Variants in DUSP8 observed in about 807,000 individuals in gnomAD.
DUSP8 encodes dual specificity protein phosphatase 8.
Under a neutral mutation model 38.7 loss-of-function variants are expected in DUSP8, and 15 were observed. The ratio of observed to expected loss-of-function variants is 0.39; its 90% CI spans 0.26 to 0.60. DUSP8 has a LOEUF of 0.60. Among genes scored for constraint, DUSP8 ranks in the 20% least tolerant of loss-of-function variants. DUSP8 has a pLI of 0.56. For missense variants in DUSP8, 768 were observed against 915.0 expected (o/e 0.84, Z 2.07); for synonymous variants, 458 against 433.9 (o/e 1.06, Z -0.69).
chr11:1,557,583 G>C lies in DUSP8; in HGVS notation c.822-9C>G. 1 of 1,561,764 alleles carries C rather than the reference G, an allele frequency of 6.4e-7. No individual in the cohort carries two copies. Among genetic ancestry groups the C allele is most frequent in the Admixed American group, 1.9e-5 (1 of 53,980 alleles). Reference sequence around the variant, plus strand: ...GCCTGTCCTTCACGAACCTGCGGGGGAGGAGGCTCAGTCCCAGGCGCCCGC... The same window carrying C: ...GCCTGTCCTTCACGAACCTGCGGGGCAGGAGGCTCAGTCCCAGGCGCCCGC... On this transcript the variant is annotated splice_polypyrimidine_tract_variant and intron_variant, in intron 6 of 6. Coordinates refer to ENST00000397374, the MANE Select transcript of DUSP8 (RefSeq NM_004420.3). The surrounding 1 kb of genome is among the most constrained non-coding windows in gnomAD (Gnocchi z 9.9).
chr11:1,555,598 T>TCAGGCAGGAGGC lies in DUSP8; in HGVS notation c.*919_*920insGCCTCCTGCCTG. The TCAGGCAGGAGGC allele has an allele frequency of 2.1e-6, 1 of 467,924 alleles. No homozygotes were observed. Among genetic ancestry groups the TCAGGCAGGAGGC allele is most frequent in the Non-Finnish European group, 2.8e-6 (1 of 357,030 alleles). 29.0% of individuals were successfully genotyped at this position (467,924 alleles called of 1,614,324 possible). A position where few individuals can be genotyped will look rare whatever the true frequency, so the allele number is the denominator to read the frequency against. ...CAGCACTGGCTAGCCAGGCGCCTCC[T>TCAGGCAGGAGGC]GCCTGACCCCCGGAGGCCAAGCTCC... On this transcript the variant is annotated 3_prime_UTR_variant, in exon 7 of 7. Coordinates refer to ENST00000397374, the MANE Select transcript of DUSP8 (RefSeq NM_004420.3).
At chr11:1,572,439 G>A (rs1590811678), upstream of DUSP8, among the ~76,000 whole-genome samples, 2 of 147,436 alleles carry the variant, frequency 1.4e-5, no homozygotes, top group Admixed American at 6.6e-5. This position sits in a 1 kb window ranked among gnomAD's most constrained non-coding sequence, Gnocchi z 4.7. Context: ...CGGGGGGGGG[G>A]CGGGGTGCAG....
At position 1,565,663 on chromosome 11, in the gene DUSP8, A is replaced by G; in HGVS notation, c.164T>C (p.Val55Ala). The change falls in exon 2 of 7, where the codon GTG becomes GCG. Residue 55 changes from valine to alanine, a missense_variant. Physicochemically the swap from Val to Ala is moderately conservative, Grantham distance 64. This residue lies in a region of DUSP8 where 252 missense variants were observed against 410.4 expected (regional missense o/e 0.61). Coordinates refer to ENST00000397374, the MANE Select transcript of DUSP8 (RefSeq NM_004420.3). ...SSVNICCSKL[V>A]KRRLQQGKVT... ...CTTGCCCTGCTGCAGCCGCCGCTTC[A>G]CCAGCTTGGAGCAGCAGATGTTGAC... 1 of 1,611,640 alleles carries G rather than the reference A, an allele frequency of 6.2e-7. No individual in the cohort carries two copies. Among genetic ancestry groups the G allele is most frequent in the South Asian group, 1.1e-5 (1 of 91,056 alleles).
intron 1 of DUSP8, chr11:1,571,690 G>T (rs1429752552): frequency 6.6e-6 from 1 of 151,622 alleles, no homozygotes; most frequent in African/African-American, 2.4e-5. Context: ...GCCCGGGTCC[G>T]CCGGGCGTTG....
At chr11:1,569,289 C>G (rs1848852301) in intron 1 of DUSP8, among the ~76,000 whole-genome samples, 1 of 152,092 alleles carries the variant, frequency 6.6e-6, no homozygotes, top group African/African-American at 2.4e-5. Flanking sequence ...CCTCCCAGGC[C>G]CACACCTTCC....
At chr11:1,564,786 G>A (rs1410793673) in intron 2 of DUSP8, among the ~76,000 whole-genome samples, 3 of 152,236 alleles carry the variant, frequency 2.0e-5, no homozygotes, top group East Asian at 1.9e-4. Context: ...AAAGGGAGCC[G>A]ATTCTGGCCT....
intron 3 of DUSP8, among the ~76,000 whole-genome samples, chr11:1,559,978 G>A (rs1291288060): frequency 1.3e-5 from 2 of 152,224 alleles, no homozygotes; most frequent in African/African-American, 2.4e-5. Flanking sequence ...GTTCCAAGAA[G>A]ATAATGAGCA....
chr11:1,570,983 C>T (rs1206745752), intron 1 of DUSP8, among the ~76,000 whole-genome samples: 1 of 151,004 alleles, frequency 6.6e-6, no homozygotes, highest in African/African-American at 2.4e-5. Context: ...CGGAGCCACG[C>T]TACATCCTGC....
intron 1 of DUSP8, among the ~76,000 whole-genome samples, chr11:1,567,250 G>A (rs749100983): frequency 3.3e-5 from 5 of 152,204 alleles, no homozygotes; most frequent in Admixed American, 6.5e-5. Context: ...GCGGGCTACG[G>A]TGGGTAGCGG....
intron 1 of DUSP8, among the ~76,000 whole-genome samples, chr11:1,568,344 G>A (rs1848836825): frequency 7.0e-6 from 1 of 143,634 alleles, no homozygotes; most frequent in African/African-American, 2.5e-5. Flanking sequence ...AGGGAGGAGG[G>A]CAAGTCCAGC....
chr11:1,566,335 C>T (rs752210447), intron 1 of DUSP8, among the ~76,000 whole-genome samples: 2 of 152,118 alleles, frequency 1.3e-5, no homozygotes, highest in African/African-American at 2.4e-5. Flanking sequence ...CTCACCCTCC[C>T]ACATGGTCAA....
In DUSP8 at chr11:1,559,039, G is replaced by A. The variant is rs753059132; in HGVS notation, c.387C>T (p.Phe129=). The change falls in exon 4 of 7, where the codon TTC becomes TTT. Residue 129 remains phenylalanine, a synonymous_variant. Transcript: ENST00000397374. The part of the protein sequence containing the change: ...VAILTGGFAT[F]SSCFPGLCEG... Reference sequence around the variant, plus strand: ...CGCAGAGGCCGGGGAAGCAGGAGGAGAAGGTGGCGAAGCCCCCTGTAGGAG... The same window carrying A: ...CGCAGAGGCCGGGGAAGCAGGAGGAAAAGGTGGCGAAGCCCCCTGTAGGAG... 30 of 1,610,186 alleles carry A rather than the reference G, an allele frequency of 1.9e-5. No individual in the cohort carries two copies. The highest frequency in any genetic ancestry group is 2.2e-5 in the Non-Finnish European group (26 of 1,179,502).
chr11:1,564,596 T>A (rs1011272807), intron 2 of DUSP8, among the ~76,000 whole-genome samples: 1 of 152,168 alleles, frequency 6.6e-6, no homozygotes, highest in Non-Finnish European at 1.5e-5. Context: ...AGCCCAGATG[T>A]TGAGCGGCTT....
At chr11:1,559,182 G>A in intron 3 of DUSP8, 127 bp from the exon 4 acceptor site, 9 of 934,634 alleles carry the variant, frequency 9.6e-6, no homozygotes, top group Non-Finnish European at 1.3e-5. Flanking sequence ...CCAGACCCGA[G>A]CCTGAGCCCA....
Position 1,555,547 on chromosome 11 carries a change from G to T in DUSP8, c.*971C>A. On this transcript the variant is annotated 3_prime_UTR_variant, in exon 7 of 7. Coordinates refer to ENST00000397374, the MANE Select transcript of DUSP8 (RefSeq NM_004420.3). The stretch of plus-strand genomic sequence containing the variant: ...GACCACCCCCTCCTCATACCTGGGG[G>T]TCCAGGGCTTCCTGCCCAGTGGAGC... 3 of 872,750 alleles carry T rather than the reference G, an allele frequency of 3.4e-6. No homozygotes were observed. The highest frequency in any genetic ancestry group is 2.8e-6 in the Non-Finnish European group (2 of 726,740). The allele number at this position is 872,750 out of a possible 1,614,324, so 54.1% of individuals were successfully genotyped here. A position where few individuals can be genotyped will look rare whatever the true frequency, so the allele number is the denominator to read the frequency against.
intron 1 of DUSP8, among the ~76,000 whole-genome samples, chr11:1,566,799 G>A (rs1276334105): frequency 6.6e-6 from 1 of 152,160 alleles, no homozygotes; most frequent in Non-Finnish European, 1.5e-5. Flanking sequence ...CCCCGCAGGT[G>A]CCAGGCCCTC....
chr11:1,562,024 G>A (rs1848724559), intron 3 of DUSP8, among the ~76,000 whole-genome samples: 1 of 152,228 alleles, frequency 6.6e-6, no homozygotes, highest in South Asian at 2.1e-4. Context: ...AACCTTGCAG[G>A]GCAGATGTCA....
At chr11:1,563,166 A>G (rs1284651043) in intron 3 of DUSP8, among the ~76,000 whole-genome samples, 1 of 152,092 alleles carries the variant, frequency 6.6e-6, no homozygotes, top group Non-Finnish European at 1.5e-5. Flanking sequence ...AAGACCCCAG[A>G]CCTGGATGGG....
At position 1,557,807 on chromosome 11, in the gene DUSP8, C is replaced by T. The variant is rs1490299724; in HGVS notation, c.808G>A (p.Asp270Asn). Residue 270 changes from aspartate (D) to asparagine (N), a missense_variant, in exon 6 of 7, where the codon GAC becomes AAC. By Grantham distance (23) the Asp-to-Asn change is conservative (BLOSUM62 1). This residue lies in a region of DUSP8 where 252 missense variants were observed against 410.4 expected (regional missense o/e 0.61). Transcript: ENST00000397374. The surrounding 1 kb of genome is among the most constrained non-coding windows in gnomAD (Gnocchi z 9.9). ...YIMKTMGMSS[D>N]DAYRFVKDRR... ...GGAAGGTGGTACCTGTAGGCGTCGTCGGAGGACATGCCCATGGTCTTCATG... is the reference window on the plus strand; with the variant it reads ...GGAAGGTGGTACCTGTAGGCGTCGTTGGAGGACATGCCCATGGTCTTCATG... The T allele has an allele frequency of 3.1e-6, 5 of 1,613,110 alleles. No homozygotes were observed. The highest frequency in any genetic ancestry group is 1.1e-5 in the South Asian group (1 of 91,046).
Sources: gnomAD v4.1 joint callset for allele counts (sites outside exome capture counted in the v4.1 genomes callset) on GRCh38, gnomAD v4.1.1 for gene constraint, gnomAD v4.1.1 regional missense constraint, Gnocchi (gnomAD v3.1) non-coding constraint, MANE v1.5 for transcripts, NCBI Gene and HGNC (gene_info 2026-07-23, HGNC 2026-07-21) for gene names.